The following LRP1B variants were observed in gnomAD, a reference collection of about 807,000 sequenced individuals.
The protein encoded by LRP1B is LDL receptor related protein 1B.
In LRP1B, 217 loss-of-function variants were observed where a neutral mutation model predicts 556.6. The observed-to-expected ratio is 0.39, with a 90% confidence interval of 0.35 to 0.44. The LOEUF (loss-of-function observed/expected upper bound fraction) is 0.44. Ranked by LOEUF, LRP1B falls within the 20% of genes least tolerant of loss-of-function variation. The pLI is 1.00. For synonymous variants in LRP1B, 2,047 were observed against 1,865.8 expected (o/e 1.10, Z -2.50); for missense variants, 5,053 against 5,620.8 (o/e 0.90, Z 3.23).
intron 35 of LRP1B, among the ~76,000 whole-genome samples, chr2:140,759,059 C>T (rs1355032229): frequency 6.6e-6 from 1 of 151,940 alleles, no homozygotes; most frequent in Non-Finnish European, 1.5e-5. Context: ...TTTTTTTCCC[C>T]TGAAGAACAG....
chr2:141,230,028 A>G (rs1156313170), intron 5 of LRP1B, among the ~76,000 whole-genome samples: 1 of 152,198 alleles, frequency 6.6e-6, no homozygotes, highest in Non-Finnish European at 1.5e-5. Context: ...CAGGAAAACA[A>G]GATTCTAGGT....
chr2:142,130,133 C>T (rs935695212), intron 1 of LRP1B, among the ~76,000 whole-genome samples: 1 of 152,126 alleles, frequency 6.6e-6, no homozygotes, highest in African/African-American at 2.4e-5. Context: ...CCCCAGTCTG[C>T]CCCCAGGAAG....
intron 46 of LRP1B, among the ~76,000 whole-genome samples, chr2:140,536,340 A>T (rs886300898): frequency 1.0e-3 from 104 of 101,340 alleles, no homozygotes; most frequent in Middle Eastern, 4.4e-3. Context: ...AAAAAAAAAA[A>T]AAGGCTATTT....
intron 66 of LRP1B, among the ~76,000 whole-genome samples, chr2:140,439,728 C>T (rs1324851569): frequency 6.6e-6 from 1 of 151,976 alleles, no homozygotes; most frequent in Non-Finnish European, 1.5e-5. Flanking sequence ...ATTTAATTTA[C>T]ATCTATTCAA....
At chr2:141,885,079 G>A (rs1027350929) in intron 1 of LRP1B, among the ~76,000 whole-genome samples, 1 of 152,030 alleles carries the variant, frequency 6.6e-6, no homozygotes, top group Non-Finnish European at 1.5e-5. Context: ...TTGATATTAA[G>A]GTTTCATATT....
At chr2:141,400,941 T>C (rs867254159) in intron 3 of LRP1B, among the ~76,000 whole-genome samples, 1 of 152,162 alleles carries the variant, frequency 6.6e-6, no homozygotes, top group Middle Eastern at 3.2e-3. Flanking sequence ...GATGCATCAT[T>C]CCATTTTTAA....
At chr2:140,321,846 C>T (rs773662329) in intron 82 of LRP1B, 117 bp downstream of exon 82, 166 of 973,980 alleles carry the variant, frequency 1.7e-4, no homozygotes, top group Non-Finnish European at 2.3e-4. Context: ...TCAAGAACCA[C>T]TGCTATCAAG....
intron 11 of LRP1B, among the ~76,000 whole-genome samples, chr2:141,042,329 C>T (rs916326549): frequency 6.6e-6 from 1 of 152,032 alleles, no homozygotes; most frequent in Non-Finnish European, 1.5e-5. Flanking sequence ...GCTCCAGATT[C>T]GTCTCTTGTA....
intron 84 of LRP1B, among the ~76,000 whole-genome samples, chr2:140,283,302 T>TTTAGCTAAATTATATTTA (rs1682993503): frequency 6.6e-6 from 1 of 151,816 alleles, no homozygotes; most frequent in African/African-American, 2.4e-5. Context: ...TAAACTTTAG[T>TTTAGCTAAATTATATTTA]GCATAGTGCT....
intron 1 of LRP1B, among the ~76,000 whole-genome samples, chr2:142,121,111 C>A (rs1559083087): frequency 6.6e-6 from 1 of 152,128 alleles, no homozygotes; most frequent in Non-Finnish European, 1.5e-5. Flanking sequence ...TGCATTCGTT[C>A]TTATAGAAAA....
In LRP1B at chr2:140,923,151, A is replaced by C; in HGVS notation, c.3137-4T>G. ...CAACCAGCAGGAGAATGAATCTCTTAATTTGAAATGAGGAAGAGAGAAGCA... is the reference window on the plus strand; with the variant it reads ...CAACCAGCAGGAGAATGAATCTCTTCATTTGAAATGAGGAAGAGAGAAGCA... On this transcript the variant is annotated splice_polypyrimidine_tract_variant and splice_region_variant and intron_variant, in intron 20 of 90. Transcript: ENST00000389484. 1 of 1,608,486 alleles carries C rather than the reference A, an allele frequency of 6.2e-7. No individual in the cohort carries two copies. Among genetic ancestry groups the C allele is most frequent in the Non-Finnish European group, 8.5e-7 (1 of 1,176,470 alleles).
chr2:141,309,786 T>TAAC (rs1411092765), intron 3 of LRP1B, among the ~76,000 whole-genome samples: 1 of 151,978 alleles, frequency 6.6e-6, no homozygotes, highest in African/African-American at 2.4e-5. Context: ...GGCACAGGTA[T>TAAC]AACTATGTAA....
chr2:141,034,122 C>T (rs1352072728), intron 11 of LRP1B, among the ~76,000 whole-genome samples: 1 of 151,844 alleles, frequency 6.6e-6, no homozygotes, highest in African/African-American at 2.4e-5. Context: ...CATGGTGTTC[C>T]TCTTTCTCAA....
chr2:140,910,784 T>C (rs573161197), intron 21 of LRP1B, among the ~76,000 whole-genome samples: 2 of 151,940 alleles, frequency 1.3e-5, no homozygotes, highest in Non-Finnish European at 3.0e-5. Flanking sequence ...AAAAGTTGGA[T>C]AGTACAAAAC....
intron 67 of LRP1B, among the ~76,000 whole-genome samples, chr2:140,382,347 G>A (rs1683550738): frequency 6.6e-6 from 1 of 152,040 alleles, no homozygotes; most frequent in African/African-American, 2.4e-5. Flanking sequence ...TCTTAATAAT[G>A]TAAGGCTATA....
chr2:140,335,472 CAGA>C (rs1296376321), intron 78 of LRP1B, 140 bp downstream of exon 78: 1 of 631,706 alleles, frequency 1.6e-6, no homozygotes, highest in Admixed American at 2.9e-5. Flanking sequence ...TGCTTTTTTA[CAGA>C]AGAAATAGTA....
intron 3 of LRP1B, among the ~76,000 whole-genome samples, chr2:141,283,542 G>C (rs748479766): frequency 6.6e-6 from 1 of 151,460 alleles, no homozygotes; most frequent in African/African-American, 2.4e-5. Flanking sequence ...AACTGACATA[G>C]ATTAGACATG....
intron 1 of LRP1B, among the ~76,000 whole-genome samples, chr2:141,827,899 A>T (rs1696990329): frequency 6.6e-6 from 1 of 151,992 alleles, no homozygotes; most frequent in Non-Finnish European, 1.5e-5. Context: ...TTAGACATAT[A>T]TTTATATACC....
At chr2:141,400,345 C>A (rs965094999) in intron 3 of LRP1B, among the ~76,000 whole-genome samples, 2 of 152,068 alleles carry the variant, frequency 1.3e-5, no homozygotes, top group Non-Finnish European at 2.9e-5. Flanking sequence ...AATTAAATAA[C>A]AAGAAAAGAA....
Sources: gnomAD v4.1 joint callset for allele counts (sites outside exome capture counted in the v4.1 genomes callset) on GRCh38, gnomAD v4.1.1 for gene constraint, MANE v1.5 for transcripts, NCBI Gene and HGNC (gene_info 2026-07-23, HGNC 2026-07-21) for gene names.